Variants in FRMD4A observed in about 807,000 individuals in gnomAD.
The protein encoded by FRMD4A is FERM domain containing 4A, also known as FERM domain-containing protein 4A.
In FRMD4A, 29 loss-of-function variants were observed where a neutral mutation model predicts 129.1. The ratio of observed to expected loss-of-function variants is 0.22; its 90% confidence interval spans 0.17 to 0.31. The LOEUF (loss-of-function observed/expected upper bound fraction) is 0.31. FRMD4A is among the 10% of genes least tolerant of loss of function. The pLI is 1.00. For missense variants in FRMD4A, 1,272 were observed against 1,375.8 expected, an observed-to-expected ratio of 0.92 and a Z score of 1.19; for synonymous variants, 634 against 571.6, an observed-to-expected ratio of 1.11 and a Z score of -1.56.
intron 2 of FRMD4A, among the ~76,000 whole-genome samples, chr10:14,092,915 AAC>A (rs1836739745): frequency 6.6e-6 from 1 of 152,206 alleles, no homozygotes; most frequent in Non-Finnish European, 1.5e-5. Flanking sequence ...GGTATAGAGA[AAC>A]AGCCAGGAAT....
chr10:14,018,590 C>T (rs1032397084), intron 2 of FRMD4A, among the ~76,000 whole-genome samples: 1 of 151,868 alleles, frequency 6.6e-6, no homozygotes, highest in Non-Finnish European at 1.5e-5. Context: ...GGAAGTGACA[C>T]CATCCAATCT....
intron 2 of FRMD4A, among the ~76,000 whole-genome samples, chr10:14,100,494 C>G (rs528251820): frequency 6.6e-6 from 1 of 152,032 alleles, no homozygotes; most frequent in Non-Finnish European, 1.5e-5. Flanking sequence ...ATGACTTTTC[C>G]ACCCTATTTC....
chr10:14,267,474 C>G (rs922481468), intron 2 of FRMD4A, among the ~76,000 whole-genome samples: 1 of 152,168 alleles, frequency 6.6e-6, no homozygotes, highest in African/African-American at 2.4e-5. Context: ...GATGCCACAG[C>G]CTAAGCTCAG....
At chr10:14,126,149 C>T (rs1838827326) in intron 2 of FRMD4A, among the ~76,000 whole-genome samples, 1 of 150,590 alleles carries the variant, frequency 6.6e-6, no homozygotes, top group Non-Finnish European at 1.5e-5. Flanking sequence ...ATGTCCTCAC[C>T]CATCACAAAA....
intron 2 of FRMD4A, among the ~76,000 whole-genome samples, chr10:14,152,735 G>T (rs1042770061): frequency 6.6e-6 from 1 of 152,146 alleles, no homozygotes; most frequent in African/African-American, 2.4e-5. Context: ...ACCTACTCAG[G>T]AGGCTGAGGA....
At chr10:14,109,904 G>C (rs1484372273) in intron 2 of FRMD4A, among the ~76,000 whole-genome samples, 3 of 151,256 alleles carry the variant, frequency 2.0e-5, no homozygotes, top group African/African-American at 7.3e-5. Flanking sequence ...CCGGGAGGCA[G>C]AGGTTGCAGT....
chr10:14,167,531 C>T (rs1427946029), intron 2 of FRMD4A, among the ~76,000 whole-genome samples: 1 of 111,630 alleles, frequency 9.0e-6, no homozygotes, highest in Non-Finnish European at 1.7e-5. Context: ...AGCAAGACTC[C>T]GTCTCTCAAA....
chr10:14,101,558 C>A (rs1837302260), intron 2 of FRMD4A, among the ~76,000 whole-genome samples: 2 of 152,018 alleles, frequency 1.3e-5, no homozygotes, highest in South Asian at 4.2e-4. Context: ...ACAGTGGGAA[C>A]CTAGGGATAT....
At chr10:14,031,830 C>T (rs764405511) in intron 2 of FRMD4A, among the ~76,000 whole-genome samples, 1 of 152,080 alleles carries the variant, frequency 6.6e-6, no homozygotes, top group African/African-American at 2.4e-5. Flanking sequence ...GTAAAACAAT[C>T]TTGAGGAAGA....
chr10:14,205,934 C>G (rs1310900474), intron 2 of FRMD4A, among the ~76,000 whole-genome samples: 1 of 152,006 alleles, frequency 6.6e-6, no homozygotes, highest in Non-Finnish European at 1.5e-5. Context: ...AGGTCCCCTT[C>G]TCGTCGTGGT....
intron 2 of FRMD4A, among the ~76,000 whole-genome samples, chr10:14,067,812 G>A (rs556240746): frequency 2.5e-4 from 38 of 152,186 alleles, no homozygotes; most frequent in African/African-American, 6.0e-4. Context: ...GCGAGACTCC[G>A]TCTCAAAACA....
At chr10:13,799,252 G>A (rs1646896534) in intron 4 of FRMD4A, among the ~76,000 whole-genome samples, 1 of 152,190 alleles carries the variant, frequency 6.6e-6, no homozygotes, top group Non-Finnish European at 1.5e-5. Context: ...CCGCCCTCCG[G>A]GTTCAAGTAA....
intron 2 of FRMD4A, among the ~76,000 whole-genome samples, chr10:14,061,274 C>CAA (rs201975670): frequency 0.05 from 7,580 of 152,018 alleles, 317 homozygotes; most frequent in East Asian, 0.13. Flanking sequence ...GGGTGTTGAT[C>CAA]AACCCCGTCT....
At chr10:13,859,169 G>A (rs1814852804) in intron 2 of FRMD4A, among the ~76,000 whole-genome samples, 1 of 152,180 alleles carries the variant, frequency 6.6e-6, no homozygotes, top group African/African-American at 2.4e-5. Flanking sequence ...CCTGAGGTCA[G>A]GAGTTTGAGA....
At chr10:14,294,631 G>A (rs970014059) in intron 2 of FRMD4A, among the ~76,000 whole-genome samples, 3 of 152,158 alleles carry the variant, frequency 2.0e-5, no homozygotes, top group African/African-American at 7.2e-5. Context: ...AAGACATAAA[G>A]GCGTTTTCTC....
At chr10:14,247,070 G>T (rs1844267127) in intron 2 of FRMD4A, among the ~76,000 whole-genome samples, 1 of 152,078 alleles carries the variant, frequency 6.6e-6, no homozygotes, top group Non-Finnish European at 1.5e-5. Flanking sequence ...GTACAGGTGG[G>T]ACTCGCAAGC....
chr10:13,717,439 G>A (rs1018278370), intron 12 of FRMD4A, among the ~76,000 whole-genome samples: 2 of 151,924 alleles, frequency 1.3e-5, no homozygotes, highest in African/African-American at 2.4e-5. Flanking sequence ...TCAGCCTCCC[G>A]AATAGCTGAG....
chr10:13,735,064 A>C (rs776607649), intron 12 of FRMD4A, among the ~76,000 whole-genome samples: 87 of 152,036 alleles, frequency 5.7e-4, no homozygotes, highest in Non-Finnish European at 1.1e-3. Context: ...GTAGAGACGG[A>C]GTTTCACCAT....
At chr10:14,035,129 T>C (rs1300942044) in intron 2 of FRMD4A, among the ~76,000 whole-genome samples, 1 of 152,098 alleles carries the variant, frequency 6.6e-6, no homozygotes, top group East Asian at 1.9e-4. Context: ...AAAAACAAAA[T>C]AGACTGGGCA....
Sources: gnomAD v4.1 joint callset for allele counts (sites outside exome capture counted in the v4.1 genomes callset) on GRCh38, gnomAD v4.1.1 for gene constraint, MANE v1.5 for transcripts, NCBI Gene and HGNC (gene_info 2026-07-23, HGNC 2026-07-21) for gene names.